The following PCDH9 variants were observed in gnomAD, a reference collection of about 807,000 sequenced individuals.
The protein encoded by PCDH9 is protocadherin 9, also known as protocadherin-9.
A neutral mutation model predicts 70.6 loss-of-function variants in PCDH9; 24 were observed. The observed-to-expected ratio is 0.34, with a 90% CI of 0.25 to 0.48. The LOEUF (loss-of-function observed/expected upper bound fraction) is 0.48. Among genes scored for constraint, PCDH9 ranks in the 20% least tolerant of loss-of-function variants. PCDH9 has a pLI of 0.99. For missense variants in PCDH9, 1,281 were observed against 1,503.6 expected (o/e 0.85, Z 2.45); for synonymous variants, 562 against 558.5 (o/e 1.01, Z -0.09).
chr13:66,736,671 G>A (rs758293436), intron 3 of PCDH9, among the ~76,000 whole-genome samples: 4 of 152,202 alleles, frequency 2.6e-5, no homozygotes, highest in Non-Finnish European at 5.9e-5. Context: ...TTGAAAACTG[G>A]TCATTGCAAC....
intron 4 of PCDH9, among the ~76,000 whole-genome samples, chr13:66,351,827 TTTTTCTTTTC>T (rs954079410): frequency 3.5e-4 from 50 of 144,016 alleles, no homozygotes; most frequent in African/African-American, 1.2e-3. Context: ...ATTCCTTTTT[TTTTTCTTTTC>T]TTTTCTTTTC....
intron 3 of PCDH9, among the ~76,000 whole-genome samples, chr13:66,711,931 C>A (rs564116945): frequency 6.6e-6 from 1 of 152,256 alleles, no homozygotes; most frequent in South Asian, 2.1e-4. Context: ...TACTTTATGT[C>A]TCTGCTTTCC....
intron 2 of PCDH9, among the ~76,000 whole-genome samples, chr13:66,908,881 G>C (rs73208975): frequency 6.6e-6 from 1 of 151,968 alleles, no homozygotes; most frequent in Non-Finnish European, 1.5e-5. Flanking sequence ...TGAAAATGTC[G>C]TATGATAAAT....
intron 4 of PCDH9, among the ~76,000 whole-genome samples, chr13:66,451,896 T>C (rs79692601): frequency 0.025 from 3,747 of 152,312 alleles, 179 homozygotes; most frequent in African/African-American, 0.086. Context: ...AAGATAACAA[T>C]GGCAATAACT....
At chr13:66,459,871 TC>T (rs1476924370) in intron 4 of PCDH9, among the ~76,000 whole-genome samples, 1 of 151,944 alleles carries the variant, frequency 6.6e-6, no homozygotes, top group East Asian at 1.9e-4. Flanking sequence ...CATACACAGC[TC>T]ATAACAAAGT....
At chr13:66,473,196 T>G (rs1396927681) in intron 4 of PCDH9, among the ~76,000 whole-genome samples, 1 of 152,084 alleles carries the variant, frequency 6.6e-6, no homozygotes, top group African/African-American at 2.4e-5. Context: ...TTTATGATTA[T>G]TATCTGTATG....
At chr13:66,568,646 T>C (rs1479039362) in intron 4 of PCDH9, among the ~76,000 whole-genome samples, 1 of 150,764 alleles carries the variant, frequency 6.6e-6, no homozygotes, top group Non-Finnish European at 1.5e-5. Context: ...CAATCCAGCC[T>C]GAATGACAGG....
chr13:66,783,905 G>A (rs143313616), intron 3 of PCDH9, among the ~76,000 whole-genome samples: 311 of 152,168 alleles, frequency 2.0e-3, no homozygotes, highest in African/African-American at 7.0e-3. Flanking sequence ...TCATTTTAAT[G>A]ATTGCCACAT....
intron 2 of PCDH9, among the ~76,000 whole-genome samples, chr13:67,184,915 T>C (rs1231879579): frequency 6.6e-6 from 1 of 152,188 alleles, no homozygotes; most frequent in African/African-American, 2.4e-5. Flanking sequence ...TCTTAATACA[T>C]CCCTTTTTGG....
chr13:66,392,932 G>A (rs946216706), intron 4 of PCDH9, among the ~76,000 whole-genome samples: 4 of 151,364 alleles, frequency 2.6e-5, no homozygotes, highest in South Asian at 2.1e-4. Context: ...AAACCCACTG[G>A]AAGAGGAATA....
chr13:67,190,552 G>A (rs956533390), intron 2 of PCDH9, among the ~76,000 whole-genome samples: 2 of 151,988 alleles, frequency 1.3e-5, no homozygotes, highest in East Asian at 3.8e-4. Flanking sequence ...ATTGAAGAAT[G>A]TACTTTCTAA....
intron 2 of PCDH9, among the ~76,000 whole-genome samples, chr13:67,048,007 C>T (rs948300253): frequency 9.2e-5 from 14 of 152,084 alleles, no homozygotes; most frequent in African/African-American, 2.9e-4. Flanking sequence ...TGTTTCTTTT[C>T]AGAAACAGAA....
intron 4 of PCDH9, among the ~76,000 whole-genome samples, chr13:66,394,299 T>C (rs1957067312): frequency 6.6e-6 from 1 of 152,200 alleles, no homozygotes; most frequent in Admixed American, 6.5e-5. Context: ...TATCAGCATC[T>C]AGATTTCCTT....
At chr13:66,558,044 A>C (rs928542645) in intron 4 of PCDH9, among the ~76,000 whole-genome samples, 1 of 152,024 alleles carries the variant, frequency 6.6e-6, no homozygotes, top group Non-Finnish European at 1.5e-5. Flanking sequence ...AGTTCCAGCT[A>C]CTCAGGAGCC....
chr13:66,665,056 T>C (rs1276127784), intron 3 of PCDH9, among the ~76,000 whole-genome samples: 2 of 152,020 alleles, frequency 1.3e-5, no homozygotes, highest in African/African-American at 4.8e-5. Flanking sequence ...CCTATACCAA[T>C]AATATCCTTT....
At chr13:66,786,804 T>C (rs548114979) in intron 3 of PCDH9, among the ~76,000 whole-genome samples, 1 of 152,260 alleles carries the variant, frequency 6.6e-6, no homozygotes, top group South Asian at 2.1e-4. Flanking sequence ...AAGTCGTTAG[T>C]ATTTGGGAAA....
chr13:66,671,625 CAA>C (rs995172402), intron 3 of PCDH9, among the ~76,000 whole-genome samples: 128 of 152,234 alleles, frequency 8.4e-4, no homozygotes, highest in Non-Finnish European at 1.6e-3. Flanking sequence ...TATGTTTTAG[CAA>C]AGAGACTGGT....
chr13:67,074,381 A>T (rs1870328012), intron 2 of PCDH9, among the ~76,000 whole-genome samples: 1 of 152,136 alleles, frequency 6.6e-6, no homozygotes, highest in African/African-American at 2.4e-5. Flanking sequence ...ATCTGTCAGC[A>T]TGTTGATCTT....
intron 3 of PCDH9, among the ~76,000 whole-genome samples, chr13:66,632,809 T>G (rs1166882901): frequency 6.6e-6 from 1 of 152,068 alleles, no homozygotes; most frequent in Non-Finnish European, 1.5e-5. Flanking sequence ...TTCGATACCA[T>G]GCTACATATG....
Sources: allele counts gnomAD v4.1 joint callset (sites outside exome capture counted in the v4.1 genomes callset), GRCh38; gene constraint gnomAD v4.1.1; transcripts MANE v1.5; gene names NCBI Gene and HGNC (gene_info 2026-07-23, HGNC 2026-07-21).